Variants in NUDCD3 observed in about 807,000 individuals in gnomAD.
NUDCD3 encodes NudC domain containing 3.
In NUDCD3, 13 loss-of-function variants were observed where a neutral mutation model predicts 39.7. The observed-to-expected ratio is 0.33, with a 90% CI of 0.21 to 0.52. The LOEUF is 0.52. Among genes scored for constraint, NUDCD3 ranks in the 20% least tolerant of loss-of-function variants. The pLI is 0.96. For synonymous variants in NUDCD3, 175 were observed against 172.4 expected, an observed-to-expected ratio of 1.02 and a Z score of -0.12; for missense variants, 453 against 458.1, an observed-to-expected ratio of 0.99 and a Z score of 0.10.
At chr7:44,432,592 GC>G (rs1237832167) in intron 2 of NUDCD3, among the ~76,000 whole-genome samples, 2 of 152,140 alleles carry the variant, frequency 1.3e-5, no homozygotes, top group Non-Finnish European at 2.9e-5. Context: ...CCCACTTCCC[GC>G]CCCCTGGGGC....
At position 44,433,453 on chromosome 7, in the gene NUDCD3, T is replaced by C. The variant is rs559714953; in HGVS notation, c.510-5750A>G. ...ATGTACTGTGTGTGCAGTTTGTGTG[T>C]GTGGTGTATGTGTGTGGTGCACATG... On this transcript the variant is annotated intron_variant, in intron 2 of 5. Coordinates refer to ENST00000355451, the MANE Select transcript of NUDCD3 (RefSeq NM_015332.4). Among the ~76,000 whole-genome samples, 10 of 152,196 alleles carry C rather than the reference T, an allele frequency of 6.6e-5. No individual in the cohort carries two copies. In the East Asian group the frequency reaches 1.9e-3, roughly 29 times the overall value.
intron 2 of NUDCD3, among the ~76,000 whole-genome samples, chr7:44,480,826 C>T (rs888606269): frequency 1.3e-5 from 2 of 151,284 alleles, no homozygotes; most frequent in African/African-American, 4.9e-5. Context: ...CCTGTAGTCC[C>T]AGCTACTTGG....
chr7:44,403,484 G>A (rs1275969856), intron 4 of NUDCD3, among the ~76,000 whole-genome samples: 1 of 152,236 alleles, frequency 6.6e-6, no homozygotes, highest in Admixed American at 6.5e-5. Flanking sequence ...ATCAAGACCA[G>A]AGTCAAGGTT....
In NUDCD3 at chr7:44,379,380, G is replaced by A. The variant is rs1481648606; in HGVS notation, c.*6631C>T. ...GAGATGAGGCAGTTGGCGGGGCGGG[G>A]CGGGGTGGGGGGGAACAGGGGACAG... is the stretch of plus-strand genomic sequence containing the variant. On this transcript the variant is annotated 3_prime_UTR_variant, in exon 6 of 6. Transcript: ENST00000355451. The A allele has an allele frequency of 2.6e-5, 4 of 151,638 alleles. No individual in the cohort carries two copies. The highest frequency in any genetic ancestry group is 5.9e-5 in the Non-Finnish European group (4 of 67,882). The allele number at this position is 151,638 out of a possible 1,614,324, so 9.4% of individuals were successfully genotyped here. A position where few individuals can be genotyped will look rare whatever the true frequency, so the allele number is the denominator to read the frequency against.
chr7:44,419,887 G>A (rs2116892102), intron 3 of NUDCD3, among the ~76,000 whole-genome samples: 1 of 152,224 alleles, frequency 6.6e-6, no homozygotes, highest in South Asian at 2.1e-4. Flanking sequence ...ATGAAGATGA[G>A]GAAAAAACCA....
intron 2 of NUDCD3, among the ~76,000 whole-genome samples, chr7:44,477,133 G>A (rs1800388003): frequency 6.6e-6 from 1 of 152,148 alleles, no homozygotes; most frequent in South Asian, 2.1e-4. Context: ...GTTCTAACGG[G>A]CTTGTCCTAG....
chr7:44,406,284 T>C lies in NUDCD3; in HGVS notation c.643-1701A>G, dbSNP rs1002198536. ...GATCGCAGTTCCACTTGCATGACCT[T>C]TCATAGGGGAATTTACCACGGAAAA... On this transcript the variant is annotated intron_variant, in intron 3 of 5. Coordinates refer to ENST00000355451, the MANE Select transcript of NUDCD3 (RefSeq NM_015332.4). Among the ~76,000 whole-genome samples the C allele has an allele frequency of 2.6e-5, 4 of 152,336 alleles. No individual in the cohort carries two copies. In the East Asian group the frequency reaches 7.7e-4, roughly 29 times the overall value.
intron 5 of NUDCD3, among the ~76,000 whole-genome samples, chr7:44,386,947 G>A (rs1798413165): frequency 6.6e-6 from 1 of 152,132 alleles, no homozygotes; most frequent in Admixed American, 6.5e-5. Context: ...TGAGTACACT[G>A]AGGGCTAGGG....
Position 44,467,487 on chromosome 7 carries a change from C to T in NUDCD3, c.509+17481G>A, listed in dbSNP as rs372137312. 2.6e-5 allele frequency among the ~76,000 whole-genome samples: 4 copies of T among 152,172 alleles called. No individual in the cohort carries two copies. The South Asian group carries it at 6.2e-4, about 24-fold the overall frequency. On this transcript the variant is annotated intron_variant, in intron 2 of 5. Coordinates refer to ENST00000355451, the MANE Select transcript of NUDCD3 (RefSeq NM_015332.4). The stretch of plus-strand genomic sequence containing the variant: ...TCAGCCAGAGGCCAATCACCCTGAT[C>T]CAGGCTGCCAAGTTAGAACCCAAGC...
At chr7:44,404,845 TG>T (rs1157568838) in intron 3 of NUDCD3, among the ~76,000 whole-genome samples, 2 of 152,238 alleles carry the variant, frequency 1.3e-5, no homozygotes, top group South Asian at 4.1e-4. Flanking sequence ...TGGAAGCTGC[TG>T]TGACCCAATC....
At chr7:44,447,124 C>T (rs1313196357) in intron 2 of NUDCD3, among the ~76,000 whole-genome samples, 4 of 152,138 alleles carry the variant, frequency 2.6e-5, no homozygotes, top group Non-Finnish European at 5.9e-5. Flanking sequence ...TAGGGGCAGG[C>T]CTGGTAGGAG....
Position 44,490,428 on chromosome 7 carries a change from G to T in NUDCD3, c.173C>A (p.Ala58Glu). 1 of 1,578,142 alleles carries T rather than the reference G, an allele frequency of 6.3e-7. No homozygotes were observed. The stretch of plus-strand genomic sequence containing the variant: ...CCTCACCTGCAGCACCAAGGCCTGC[G>T]CGGCCCCGGGCGGGAAGCCCATGCG... ...SDRMGFPPGA[A>E]QALVLQVFKT... is the part of the protein sequence containing the mutation. Residue 58 changes from alanine (A) to glutamate (E), a missense_variant, in exon 1 of 6, where the codon GCG becomes GAG. Physicochemically the swap from Ala to Glu is moderately radical, Grantham distance 107 (BLOSUM62 -1). Coordinates refer to ENST00000355451, the MANE Select transcript of NUDCD3 (RefSeq NM_015332.4).
At chr7:44,424,801 C>A (rs1171675896) in intron 3 of NUDCD3, among the ~76,000 whole-genome samples, 1 of 152,010 alleles carries the variant, frequency 6.6e-6, no homozygotes, top group African/African-American at 2.4e-5. Flanking sequence ...TATATATACC[C>A]AAAGGATTAT....
intron 3 of NUDCD3, among the ~76,000 whole-genome samples, chr7:44,411,001 T>C (rs1490896100): frequency 2.6e-5 from 4 of 152,120 alleles, no homozygotes; most frequent in Admixed American, 6.5e-5. Context: ...ATATTTATGA[T>C]CAATTGATTT....
chr7:44,394,209 T>C (rs946920788), intron 4 of NUDCD3, among the ~76,000 whole-genome samples: 5 of 152,194 alleles, frequency 3.3e-5, no homozygotes, highest in African/African-American at 1.2e-4. Context: ...ACATTCCGAA[T>C]GCAGATAGGG....
At chr7:44,483,627 G>A (rs1014495566) in intron 2 of NUDCD3, among the ~76,000 whole-genome samples, 6 of 151,854 alleles carry the variant, frequency 4.0e-5, no homozygotes, top group African/African-American at 1.2e-4. Context: ...TGTTTTCTTC[G>A]AACTCCATTA....
chr7:44,468,734 C>T (rs1800186957), intron 2 of NUDCD3, among the ~76,000 whole-genome samples: 1 of 152,134 alleles, frequency 6.6e-6, no homozygotes, highest in Non-Finnish European at 1.5e-5. Context: ...AGAAAGGGTC[C>T]ATTCCACAGC....
chr7:44,418,525 A>T (rs1799073437), intron 3 of NUDCD3, among the ~76,000 whole-genome samples: 1 of 152,196 alleles, frequency 6.6e-6, no homozygotes, highest in Admixed American at 6.5e-5. Context: ...GCATAACAAC[A>T]AGGGAGATGA....
At chr7:44,393,612 C>A (rs1798561014) in intron 4 of NUDCD3, among the ~76,000 whole-genome samples, 2 of 152,158 alleles carry the variant, frequency 1.3e-5, no homozygotes, top group Admixed American at 1.3e-4. Context: ...ACTTTTTCAA[C>A]AGAAATACTT....
Sources: gnomAD v4.1 joint callset for allele counts (sites outside exome capture counted in the v4.1 genomes callset) on GRCh38, gnomAD v4.1.1 for gene constraint, MANE v1.5 for transcripts, NCBI Gene and HGNC (gene_info 2026-07-23, HGNC 2026-07-21) for gene names.